Variants in LAMC1 observed in about 807,000 individuals in gnomAD.
The protein encoded by LAMC1 is laminin subunit gamma-1.
Under a neutral mutation model 173.6 loss-of-function variants are expected in LAMC1, and 38 were observed. The ratio of observed to expected loss-of-function variants is 0.22; its 90% CI spans 0.17 to 0.29. LAMC1 has a LOEUF of 0.29. Ranked by LOEUF, LAMC1 falls within the 10% of genes least tolerant of loss-of-function variation. The pLI, the probability that LAMC1 is intolerant of heterozygous loss-of-function variation, is 1.00. For missense variants in LAMC1, 1,824 were observed against 2,051.8 expected (o/e 0.89, Z 2.14); for synonymous variants, 746 against 749.1 (o/e 1.00, Z 0.07).
intron 25 of LAMC1, 59 bp downstream of exon 25, chr1:183,136,644 GT>G: frequency 6.9e-7 from 1 of 1,443,984 alleles, no homozygotes. Context: ...TCACTTTCCA[GT>G]TTCTTTCCAG....
At chr1:183,135,306 T>A in intron 24 of LAMC1, 150 bp downstream of exon 24, 1 of 622,514 alleles carries the variant, frequency 1.6e-6, no homozygotes, top group Non-Finnish European at 2.9e-6. Flanking sequence ...CCAGAGCTCC[T>A]GTCATTTTAT....
At chr1:183,112,364 G>A (rs534357805) in intron 4 of LAMC1, among the ~76,000 whole-genome samples, 19 of 152,262 alleles carry the variant, frequency 1.2e-4, no homozygotes, top group Middle Eastern at 3.4e-3. Context: ...TAATAATGTC[G>A]TATTTTGAGT....
At chr1:183,108,007 A>G (rs1183698071) in intron 2 of LAMC1, among the ~76,000 whole-genome samples, 1 of 152,144 alleles carries the variant, frequency 6.6e-6, no homozygotes, top group Non-Finnish European at 1.5e-5. Flanking sequence ...ATTTTATTTA[A>G]GCCTCTCAGC....
At chr1:183,097,443 C>A (rs1018396226) in intron 1 of LAMC1, among the ~76,000 whole-genome samples, 1 of 152,164 alleles carries the variant, frequency 6.6e-6, no homozygotes, top group African/African-American at 2.4e-5. Flanking sequence ...TTTTCTAATT[C>A]AAGCTGTGGA....
intron 1 of LAMC1, among the ~76,000 whole-genome samples, chr1:183,059,093 G>T (rs1019939390): frequency 2.0e-5 from 3 of 152,226 alleles, no homozygotes; most frequent in Non-Finnish European, 4.4e-5. Flanking sequence ...CCTAGTGCGT[G>T]TGTATTTTCT....
intron 11 of LAMC1, among the ~76,000 whole-genome samples, chr1:183,120,657 G>A (rs1656445706): frequency 1.3e-5 from 2 of 152,194 alleles, no homozygotes; most frequent in Admixed American, 1.3e-4. Flanking sequence ...AAATGTTCCT[G>A]TTGATGCTTG....
At position 183,137,831 on chromosome 1, in the gene LAMC1, AGAGGTTTT is replaced by A. The variant is rs776119114; in HGVS notation, c.4473+6_4473+13del. On this transcript the variant is annotated splice_donor_5th_base_variant and intron_variant, in intron 26 of 27. Transcript: ENST00000258341. ...GGACATGATGATGGCAGGGATGGTA[AGAGGTTTT>A]GGTATATTTGCTCATTGGCAGAAAG... 40 of 1,595,928 alleles carry A rather than the reference AGAGGTTTT, an allele frequency of 2.5e-5. No individual in the cohort carries two copies. The Admixed American group carries it at 6.7e-4, about 27-fold the overall frequency.
At position 183,137,708 on chromosome 1, in the gene LAMC1, G is replaced by T; in HGVS notation, c.4354G>T (p.Ala1452Ser). The change falls in exon 26 of 28, where the codon GCA becomes TCA. Residue 1452 changes from alanine to serine, a missense_variant. Transcript: ENST00000258341. ...CAAGGCAGAAGCTGAAAGAACTTTTGCAGAAGTTACAGATCTGGATAATGA... is the reference window on the plus strand; with the variant it reads ...CAAGGCAGAAGCTGAAAGAACTTTTTCAGAAGTTACAGATCTGGATAATGA... Reference protein sequence around the residue: ...STKAEAERTFAEVTDLDNEVN... With the variant: ...STKAEAERTFSEVTDLDNEVN... 1.9e-6 allele frequency: 3 copies of T among 1,600,630 alleles called. No homozygotes were observed. The highest frequency in any genetic ancestry group is 2.6e-6 in the Non-Finnish European group (3 of 1,173,458).
At chr1:183,124,248 A>G (rs997223407) in intron 13 of LAMC1, among the ~76,000 whole-genome samples, 1 of 152,230 alleles carries the variant, frequency 6.6e-6, no homozygotes, top group Admixed American at 6.5e-5. Flanking sequence ...CAGTGTCAAG[A>G]GTGGCACTTC....
At chr1:183,117,089 T>C in intron 8 of LAMC1, 186 bp downstream of exon 8, 1 of 725,624 alleles carries the variant, frequency 1.4e-6, no homozygotes, top group Non-Finnish European at 2.2e-6. Context: ...GCTTTAGAAT[T>C]TATCTCAATG....
intron 22 of LAMC1, among the ~76,000 whole-genome samples, chr1:183,134,270 T>G (rs1344512632): frequency 6.6e-6 from 1 of 152,230 alleles, no homozygotes; most frequent in Non-Finnish European, 1.5e-5. Context: ...GATTGTCTGA[T>G]TCTATATATT....
intron 4 of LAMC1, among the ~76,000 whole-genome samples, chr1:183,110,969 C>G (rs192158397): frequency 6.6e-6 from 1 of 152,122 alleles, no homozygotes; most frequent in Non-Finnish European, 1.5e-5. Flanking sequence ...TTTCTCTAGT[C>G]GTATTTGTTC....
chr1:183,085,808 G>C (rs747750121), intron 1 of LAMC1, among the ~76,000 whole-genome samples: 3 of 152,140 alleles, frequency 2.0e-5, no homozygotes, highest in Non-Finnish European at 4.4e-5. Flanking sequence ...AAATTCTAAA[G>C]GTGTGGAAAA....
chr1:183,140,262 AAAAG>A, intron 26 of LAMC1, 138 bp from the exon 27 acceptor site: 1 of 450,584 alleles, frequency 2.2e-6, no homozygotes, highest in Non-Finnish European at 3.9e-6. Context: ...AAAAAAAAAA[AAAAG>A]CAATGAGAGG....
At chr1:183,092,991 T>C (rs1198905697) in intron 1 of LAMC1, among the ~76,000 whole-genome samples, 2 of 152,116 alleles carry the variant, frequency 1.3e-5, no homozygotes, top group African/African-American at 4.8e-5. Context: ...GAAAAATTAC[T>C]TAGTGGGCTG....
intron 1 of LAMC1, among the ~76,000 whole-genome samples, chr1:183,064,908 C>T (rs1405857488): frequency 1.3e-5 from 2 of 152,270 alleles, no homozygotes; most frequent in South Asian, 4.1e-4. Context: ...CATTCCACTG[C>T]AGGGTGCACT....
chr1:183,066,510 G>A (rs903022134), intron 1 of LAMC1, among the ~76,000 whole-genome samples: 1 of 152,182 alleles, frequency 6.6e-6, no homozygotes, highest in Non-Finnish European at 1.5e-5. Flanking sequence ...GCACACATAC[G>A]TTTATTGCAG....
At chr1:183,028,709 ACTCCTTTGGTTT>A (rs1311399831) in intron 1 of LAMC1, among the ~76,000 whole-genome samples, 1 of 151,628 alleles carries the variant, frequency 6.6e-6, no homozygotes, top group African/African-American at 2.4e-5. Flanking sequence ...GAGATACCAG[ACTCCTTTGGTTT>A]TCCTTGTTTT....
At chr1:183,072,920 C>G (rs1655046478) in intron 1 of LAMC1, among the ~76,000 whole-genome samples, 1 of 152,194 alleles carries the variant, frequency 6.6e-6, no homozygotes, top group South Asian at 2.1e-4. Flanking sequence ...CGTCTAGTTG[C>G]AGGAAAACAA....
Sources: gnomAD v4.1 joint callset for allele counts (sites outside exome capture counted in the v4.1 genomes callset) on GRCh38, gnomAD v4.1.1 for gene constraint, MANE v1.5 for transcripts, NCBI Gene and HGNC (gene_info 2026-07-23, HGNC 2026-07-21) for gene names.